The following WDR25 variants were observed in gnomAD, a reference collection of about 807,000 sequenced individuals.
WDR25 encodes the protein WD repeat domain 25, also known as WD repeat-containing protein 25.
In WDR25, 35 loss-of-function variants were observed where a neutral mutation model predicts 47.7. That is an observed-to-expected ratio of 0.73 (90% confidence interval 0.56 to 0.97). The LOEUF (loss-of-function observed/expected upper bound fraction) is 0.97. Among genes scored for constraint, WDR25 ranks in the 50% least tolerant of loss-of-function variants. WDR25 has a pLI of 0.00. For missense variants in WDR25, 634 were observed against 704.7 expected, an observed-to-expected ratio of 0.90 and a Z score of 1.14; for synonymous variants, 248 against 278.9, an observed-to-expected ratio of 0.89 and a Z score of 1.10.
chr14:100,411,670 G>A (rs1027707839), intron 2 of WDR25, among the ~76,000 whole-genome samples: 5 of 151,918 alleles, frequency 3.3e-5, no homozygotes, highest in Non-Finnish European at 7.4e-5. Context: ...CCTAGTAGCT[G>A]GGACTACAGG....
At chr14:100,421,854 G>A (rs1414513192) in intron 2 of WDR25, among the ~76,000 whole-genome samples, 1 of 152,134 alleles carries the variant, frequency 6.6e-6, no homozygotes, top group African/African-American at 2.4e-5. Context: ...TATGTTTTCT[G>A]TTATCTCTCT....
intron 2 of WDR25, among the ~76,000 whole-genome samples, chr14:100,415,565 T>C (rs1897845712): frequency 6.6e-6 from 1 of 152,216 alleles, no homozygotes; most frequent in Non-Finnish European, 1.5e-5. Context: ...TATTCCAGGA[T>C]AACAAAGACA....
At position 100,431,328 on chromosome 14, in the gene WDR25, G is replaced by A. The variant is rs143175978; in HGVS notation, c.823-36693G>A. ...AGGTACTTTAATTCCCTAGTTAACC[G>A]AAAGAAATTGGTTTTTCGTTTGATT... On this transcript the variant is annotated intron_variant, in intron 2 of 6. Transcript: ENST00000402312. Among the ~76,000 whole-genome samples the A allele has an allele frequency of 1.3e-4, 20 of 152,184 alleles. No homozygotes were observed. The East Asian group carries it at 2.3e-3, about 18-fold the overall frequency.
In WDR25 at chr14:100,381,998, G is replaced by T. The variant is rs187096917; in HGVS notation, c.822+252G>T. On this transcript the variant is annotated intron_variant, in intron 2 of 6. Coordinates refer to ENST00000402312, the MANE Select transcript of WDR25 (RefSeq NM_001161476.3). The stretch of plus-strand genomic sequence containing the variant: ...CTGTTTCTTATCCCTCTCGGAGGCC[G>T]TGAGGGAGGAGGTGAGAGTGATTAG... 1.7e-5 allele frequency: 12 copies of T among 696,682 alleles called. No individual in the cohort carries two copies. The East Asian group carries it at 3.2e-4, about 19-fold the overall frequency. The allele number at this position is 696,682 out of a possible 1,614,324, so 43.2% of individuals were successfully genotyped here.
At chr14:100,503,043 CCGTGTGTGTGTGTG>C (rs1028577442) in intron 4 of WDR25, among the ~76,000 whole-genome samples, 17 of 150,942 alleles carry the variant, frequency 1.1e-4, no homozygotes, top group African/African-American at 3.9e-4. Flanking sequence ...GTGTCTGTGT[CCGTGTGTGTGTGTG>C]CGTGTGTGTG....
intron 2 of WDR25, among the ~76,000 whole-genome samples, chr14:100,429,972 G>T (rs756884717): frequency 1.3e-5 from 2 of 152,130 alleles, no homozygotes; most frequent in Non-Finnish European, 1.5e-5. Context: ...CACCTGGGGA[G>T]TTAGGGCTTC....
chr14:100,469,020 C>G (rs1431581106), intron 3 of WDR25, among the ~76,000 whole-genome samples: 1 of 152,176 alleles, frequency 6.6e-6, no homozygotes, highest in Non-Finnish European at 1.5e-5. Context: ...ACTACCTCCT[C>G]CCCAGAGCTC....
At chr14:100,484,485 C>CGT (rs756572595) in intron 4 of WDR25, among the ~76,000 whole-genome samples, 5 of 142,256 alleles carry the variant, frequency 3.5e-5, no homozygotes, top group Non-Finnish European at 7.6e-5. Flanking sequence ...TGTGTGTGTG[C>CGT]GTGTGTGTGT....
At chr14:100,401,021 G>A (rs1258745634) in intron 2 of WDR25, among the ~76,000 whole-genome samples, 4 of 152,228 alleles carry the variant, frequency 2.6e-5, no homozygotes, top group African/African-American at 7.2e-5. Flanking sequence ...CAAGAAAGAT[G>A]TATGGTAATG....
intron 2 of WDR25, among the ~76,000 whole-genome samples, chr14:100,421,304 C>A (rs1898019150): frequency 6.6e-6 from 1 of 152,156 alleles, no homozygotes; most frequent in Non-Finnish European, 1.5e-5. Flanking sequence ...ACAGAATCTT[C>A]CTGGGCTTAT....
At chr14:100,403,045 A>G (rs1897426378) in intron 2 of WDR25, among the ~76,000 whole-genome samples, 1 of 152,170 alleles carries the variant, frequency 6.6e-6, no homozygotes, top group Non-Finnish European at 1.5e-5. Context: ...GCAGTGTCCA[A>G]CAAATGGTTG....
chr14:100,463,337 T>G (rs1202666988), intron 2 of WDR25, among the ~76,000 whole-genome samples: 1 of 152,246 alleles, frequency 6.6e-6, no homozygotes, highest in Non-Finnish European at 1.5e-5. Flanking sequence ...TCTGTTCTCA[T>G]TCTCAGCGGA....
Position 100,468,130 on chromosome 14 carries a change from G to A in WDR25, c.932G>A (p.Gly311Asp), listed in dbSNP as rs765497257. The change falls in exon 3 of 7, where the codon GGC (glycine) becomes GAC (aspartate). Residue 311 changes from glycine (G) to aspartate (D), a missense_variant. Physicochemically the swap from Gly to Asp is moderately conservative, Grantham distance 94. Coordinates refer to ENST00000402312, the MANE Select transcript of WDR25 (RefSeq NM_001161476.3). The surrounding 1 kb of genome is among the most constrained non-coding windows in gnomAD (Gnocchi z 4.5). ...APCGRRILSG[G>D]FDFALHLTDL... ...TGTGGCCGGCGCATCCTCAGTGGTG[G>A]CTTTGACTTCGCGCTGCACCTAACA... 5 of 1,613,474 alleles carry A rather than the reference G, an allele frequency of 3.1e-6. No individual in the cohort carries two copies. The highest frequency in any genetic ancestry group is 4.2e-6 in the Non-Finnish European group (5 of 1,180,032).
At chr14:100,508,408 C>T (rs1901189229) in intron 4 of WDR25, among the ~76,000 whole-genome samples, 1 of 152,114 alleles carries the variant, frequency 6.6e-6, no homozygotes, top group Admixed American at 6.5e-5. Flanking sequence ...CAATGTAGTA[C>T]TGGAAGTCCT....
rs1226765543 is a variant in WDR25 at position 100,496,828 on chromosome 14, C to CTTTTTTTTTTTTTTTTTT, written c.1101+12711_1101+12728dup. On this transcript the variant is annotated intron_variant, in intron 4 of 6. Coordinates refer to ENST00000402312, the MANE Select transcript of WDR25 (RefSeq NM_001161476.3). ...TTTCTTTTTCTTTTTTTCTTTAATTCTTTTTTTTTTTTTTTTTTTTTTTTG... is the reference window on the plus strand; with the variant it reads ...TTTCTTTTTCTTTTTTTCTTTAATTCTTTTTTTTTTTTTTTTTTTTTTTTTTTTTTTTTTTTTTTTTTG... Among the ~76,000 whole-genome samples the CTTTTTTTTTTTTTTTTTT allele has an allele frequency of 1.6e-3, 118 of 73,434 alleles. 3 individuals are homozygous for CTTTTTTTTTTTTTTTTTT. Among genetic ancestry groups the CTTTTTTTTTTTTTTTTTT allele is most frequent in the East Asian group, 5.6e-3 (11 of 1,948 alleles). The allele number at this position is 73,434 out of a possible 152,430, so 48.2% of individuals were successfully genotyped here.
chr14:100,483,163 G>T (rs1379625100), intron 3 of WDR25, among the ~76,000 whole-genome samples: 1 of 152,156 alleles, frequency 6.6e-6, no homozygotes, highest in Admixed American at 6.5e-5. Context: ...GCTGCACTGG[G>T]CAGTGGAAGG....
chr14:100,400,196 G>A (rs1897344085), intron 2 of WDR25, among the ~76,000 whole-genome samples: 1 of 152,178 alleles, frequency 6.6e-6, no homozygotes, highest in Non-Finnish European at 1.5e-5. Context: ...ACAGAGCTGG[G>A]GCATGTGTGT....
chr14:100,381,370 A>T lies in WDR25; in HGVS notation c.446A>T (p.His149Leu). Reference sequence around the variant, plus strand: ...AGGAACTTTCCCAAGTCATCTTTCCATGCTCAAAGTGAGTCTGAAACCGTA... The same window carrying T: ...AGGAACTTTCCCAAGTCATCTTTCCTTGCTCAAAGTGAGTCTGAAACCGTA... ...LSRNFPKSSF[H>L]AQSESETVGK... The change falls in exon 2 of 7, where the codon CAT becomes CTT. Residue 149 changes from histidine to leucine, a missense_variant. Physicochemically the swap from His to Leu is moderately conservative, Grantham distance 99. Coordinates refer to ENST00000402312, the MANE Select transcript of WDR25 (RefSeq NM_001161476.3). The T allele has an allele frequency of 1.9e-6, 3 of 1,614,030 alleles. No homozygotes were observed. Among genetic ancestry groups the T allele is most frequent in the Non-Finnish European group, 2.5e-6 (3 of 1,180,002 alleles).
intron 2 of WDR25, among the ~76,000 whole-genome samples, chr14:100,416,680 G>A (rs1255542389): frequency 6.6e-6 from 1 of 152,222 alleles, no homozygotes; most frequent in East Asian, 1.9e-4. Context: ...ATAAATGGCA[G>A]TGTGGCCTGT....
Sources: allele counts gnomAD v4.1 joint callset (sites outside exome capture counted in the v4.1 genomes callset), GRCh38; gene constraint gnomAD v4.1.1; non-coding constraint Gnocchi (gnomAD v3.1); transcripts MANE v1.5; gene names NCBI Gene and HGNC (gene_info 2026-07-23, HGNC 2026-07-21).